Variants in FGGY observed in about 807,000 individuals in gnomAD.
FGGY encodes the protein FGGY carbohydrate kinase domain-containing protein.
FGGY carries 72 observed loss-of-function variants against 71.3 expected under a neutral mutation model. The ratio of observed to expected loss-of-function variants is 1.01; its 90% CI spans 0.84 to 1.23. The LOEUF is 1.23. Among genes scored for constraint, FGGY ranks in the 50% most tolerant of loss-of-function variants. FGGY has a pLI of 0.00. For missense variants in FGGY, 668 were observed against 682.3 expected (o/e 0.98, Z 0.23); for synonymous variants, 251 against 250.3 (o/e 1.00, Z -0.02).
At chr1:59,723,908 A>G (rs1020447854) in intron 14 of FGGY, among the ~76,000 whole-genome samples, 5 of 152,252 alleles carry the variant, frequency 3.3e-5, no homozygotes, top group Non-Finnish European at 7.3e-5. Context: ...CACACCTGTA[A>G]TCCCAGCACT....
At chr1:59,494,386 A>G (rs1049662792) in intron 6 of FGGY, among the ~76,000 whole-genome samples, 1 of 152,182 alleles carries the variant, frequency 6.6e-6, no homozygotes, top group African/African-American at 2.4e-5. Context: ...GGCAGAAGCA[A>G]CAGCAGGAGC....
Position 59,695,532 on chromosome 1 carries a change from G to A in FGGY, c.1512+21399G>A, listed in dbSNP as rs147497226. On this transcript the variant is annotated intron_variant, in intron 14 of 15. Coordinates refer to ENST00000303721, the MANE Select transcript of FGGY (RefSeq NM_018291.5). ...ACGACCTAATGAGTTCCTACTCAAT[G>A]AGTCAGGCACTGTGCTAGGCATCTT... Among the ~76,000 whole-genome samples the A allele has an allele frequency of 8.4e-4, 128 of 152,338 alleles. No individual in the cohort carries two copies. In the Middle Eastern group the frequency reaches 0.02, roughly 24 times the overall value.
chr1:59,553,843 T>C (rs2095645076), intron 7 of FGGY: 1 of 287,994 alleles, frequency 3.5e-6, no homozygotes, highest in South Asian at 1.2e-4. Context: ...AAATAACTGA[T>C]AGCTGCTGCT....
chr1:59,415,974 A>G (rs554674593), intron 5 of FGGY, among the ~76,000 whole-genome samples: 6 of 152,222 alleles, frequency 3.9e-5, no homozygotes, highest in East Asian at 1.9e-4. Context: ...ATGGAGAGGT[A>G]TATTACAGTG....
chr1:59,705,652 C>T (rs1401475428), intron 14 of FGGY, among the ~76,000 whole-genome samples: 1 of 152,194 alleles, frequency 6.6e-6, no homozygotes, highest in African/African-American at 2.4e-5. Flanking sequence ...TCATAACCAG[C>T]TTCCTCTACT....
intron 10 of FGGY, among the ~76,000 whole-genome samples, chr1:59,633,592 G>A (rs2096928944): frequency 6.6e-6 from 1 of 152,148 alleles, no homozygotes; most frequent in African/African-American, 2.4e-5. Context: ...AGATGGTGTG[G>A]GAGTAATAAT....
At chr1:59,677,910 A>G (rs2097452505) in intron 14 of FGGY, among the ~76,000 whole-genome samples, 1 of 147,902 alleles carries the variant, frequency 6.8e-6, no homozygotes, top group African/African-American at 2.4e-5. Flanking sequence ...TTAGACATCT[A>G]AAGTCTTCTT....
intron 6 of FGGY, among the ~76,000 whole-genome samples, chr1:59,465,578 CA>C (rs925160133): frequency 5.9e-5 from 9 of 152,160 alleles, no homozygotes; most frequent in African/African-American, 2.2e-4. Flanking sequence ...TCCCTGTTTG[CA>C]GATGACATGA....
At chr1:59,546,248 C>T (rs2095517242) in intron 7 of FGGY, among the ~76,000 whole-genome samples, 1 of 152,122 alleles carries the variant, frequency 6.6e-6, no homozygotes. Flanking sequence ...GAGACTGAGA[C>T]ATAGGAAACT....
intron 5 of FGGY, among the ~76,000 whole-genome samples, chr1:59,427,509 C>A (rs530474636): frequency 6.6e-6 from 1 of 152,328 alleles, no homozygotes; most frequent in South Asian, 2.1e-4. Context: ...TCAGTCCAGG[C>A]TCTCTGGACT....
chr1:59,300,895 A>G (rs1457084657), intron 1 of FGGY, among the ~76,000 whole-genome samples: 1 of 152,216 alleles, frequency 6.6e-6, no homozygotes, highest in African/African-American at 2.4e-5. Context: ...ATAAGTACTG[A>G]AATCAGGTAG....
intron 6 of FGGY, among the ~76,000 whole-genome samples, chr1:59,484,973 A>G (rs2093614595): frequency 6.6e-6 from 1 of 152,222 alleles, no homozygotes; most frequent in African/African-American, 2.4e-5. Flanking sequence ...TCAATTTTTC[A>G]ATAATTTAGA....
chr1:59,479,627 A>G (rs61509109), intron 6 of FGGY, among the ~76,000 whole-genome samples: 9,014 of 152,222 alleles, frequency 0.059, 332 homozygotes, highest in East Asian at 0.13. Context: ...TTGTGAAGTA[A>G]AAAGTGAGAT....
intron 7 of FGGY, among the ~76,000 whole-genome samples, chr1:59,536,012 A>G (rs1432573252): frequency 6.6e-6 from 1 of 151,166 alleles, no homozygotes; most frequent in East Asian, 1.9e-4. Flanking sequence ...TCAAGACACA[A>G]AAAACCCTTC....
chr1:59,560,602 TATTC>T (rs1238410835), intron 8 of FGGY, among the ~76,000 whole-genome samples: 1 of 152,230 alleles, frequency 6.6e-6, no homozygotes, highest in Non-Finnish European at 1.5e-5. Flanking sequence ...ATTTTTAAAA[TATTC>T]ATTAACTATT....
intron 13 of FGGY, 60 bp downstream of exon 13, chr1:59,667,463 C>G (rs1470095805): frequency 6.3e-7 from 1 of 1,593,992 alleles, no homozygotes; most frequent in African/African-American, 1.3e-5. Flanking sequence ...TGGGCATGGC[C>G]AAGTTCTGGG....
chr1:59,356,495 T>C (rs2054339067), intron 4 of FGGY, among the ~76,000 whole-genome samples: 1 of 152,252 alleles, frequency 6.6e-6, no homozygotes, highest in Non-Finnish European at 1.5e-5. Context: ...TGGCATTCTA[T>C]GCTTATCTCT....
intron 4 of FGGY, among the ~76,000 whole-genome samples, chr1:59,371,005 G>A (rs889227476): frequency 1.3e-5 from 2 of 151,200 alleles, no homozygotes; most frequent in African/African-American, 4.9e-5. Context: ...CAACTAACGA[G>A]CAAAATCACC....
intron 5 of FGGY, among the ~76,000 whole-genome samples, chr1:59,446,127 C>T (rs1252175971): frequency 1.3e-5 from 2 of 152,190 alleles, no homozygotes; most frequent in Non-Finnish European, 2.9e-5. Context: ...TTCCTGCTTT[C>T]TCTCATATTG....
Sources: allele counts gnomAD v4.1 joint callset (sites outside exome capture counted in the v4.1 genomes callset), GRCh38; gene constraint gnomAD v4.1.1; transcripts MANE v1.5; gene names NCBI Gene and HGNC (gene_info 2026-07-23, HGNC 2026-07-21).